The following ABI3BP variants were observed in gnomAD, a reference collection of about 807,000 sequenced individuals.
ABI3BP encodes ABI family member 3 binding protein.
A neutral mutation model predicts 268.6 loss-of-function variants in ABI3BP; 216 were observed. That is an observed-to-expected ratio of 0.80 (90% CI 0.72 to 0.90). The LOEUF (loss-of-function observed/expected upper bound fraction) is 0.90. ABI3BP is among the 40% of genes least tolerant of loss of function. The pLI is 0.00. For missense variants in ABI3BP, 2,090 were observed against 2,182.4 expected, an observed-to-expected ratio of 0.96 and a Z score of 0.84; for synonymous variants, 730 against 730.0, an observed-to-expected ratio of 1.00 and a Z score of 0.00.
intron 1 of ABI3BP, among the ~76,000 whole-genome samples, chr3:100,936,272 T>G (rs193293155): frequency 6.6e-6 from 1 of 152,326 alleles, no homozygotes; most frequent in Non-Finnish European, 1.5e-5. Context: ...ATTTGATGGA[T>G]TACATTTATT....
intron 1 of ABI3BP, among the ~76,000 whole-genome samples, chr3:100,991,491 C>T (rs2153997430): frequency 6.6e-6 from 1 of 152,250 alleles, no homozygotes; most frequent in South Asian, 2.1e-4. Flanking sequence ...CCCTTAAAGA[C>T]TCCACAAGTT....
At chr3:100,954,997 T>A (rs1348774344) in intron 1 of ABI3BP, among the ~76,000 whole-genome samples, 1 of 29,930 alleles carries the variant, frequency 3.3e-5, no homozygotes, top group Non-Finnish European at 7.4e-5. Flanking sequence ...TTTTTTTTTT[T>A]TTTACGAATC....
intron 14 of ABI3BP, among the ~76,000 whole-genome samples, chr3:100,861,727 C>T (rs1312655690): frequency 6.7e-6 from 1 of 150,276 alleles, no homozygotes; most frequent in Non-Finnish European, 1.5e-5. Context: ...CTACAGTTTG[C>T]AAAAGAGGAA....
At chr3:100,806,804 C>T (rs1330517920) in intron 50 of ABI3BP, among the ~76,000 whole-genome samples, 1 of 151,948 alleles carries the variant, frequency 6.6e-6, no homozygotes, top group African/African-American at 2.4e-5. Flanking sequence ...TTCTGAAGAG[C>T]CTGTCTTGTC....
chr3:100,792,255 C>A (rs1324407921), intron 55 of ABI3BP, among the ~76,000 whole-genome samples: 4 of 151,394 alleles, frequency 2.6e-5, no homozygotes, highest in African/African-American at 9.7e-5. Flanking sequence ...TAGCTTTTTT[C>A]TTATTAATGT....
At chr3:100,756,634 C>T (rs2095633256) in intron 63 of ABI3BP, among the ~76,000 whole-genome samples, 1 of 152,166 alleles carries the variant, frequency 6.6e-6, no homozygotes, top group Non-Finnish European at 1.5e-5. Flanking sequence ...CAGTGCATTC[C>T]ACATTCGTTC....
intron 2 of ABI3BP, chr3:100,911,574 C>A: frequency 3.1e-6 from 2 of 651,374 alleles, no homozygotes; most frequent in Non-Finnish European, 2.8e-6. Context: ...CTTTACTGAT[C>A]CATCTTCTTC....
rs146419831 is a variant in ABI3BP, at chr3:100,870,067, T to C, written c.911-3111A>G. 7.2e-3 allele frequency among the ~76,000 whole-genome samples: 1,103 copies of C among 152,294 alleles called. 17 individuals are homozygous for C. Among genetic ancestry groups the C allele is most frequent in the African/African-American group, 0.025 (1,043 of 41,542 alleles). ...TCTGCTGGAATGAGGATGTTGTTTT[T>C]AGGATTTACTACCTCAAAAAATGTA... On this transcript the variant is annotated intron_variant, in intron 9 of 67. Transcript: ENST00000471714.
Position 100,811,237 on chromosome 3 carries a change from G to T in ABI3BP, c.3534C>A (p.Thr1178=). The T allele has an allele frequency of 6.5e-7, 1 of 1,531,622 alleles. No individual in the cohort carries two copies. The highest frequency in any genetic ancestry group is 8.7e-7 in the Non-Finnish European group (1 of 1,144,486). 94.9% of individuals were successfully genotyped at this position (1,531,622 alleles called of 1,614,324 possible). A position where few individuals can be genotyped will look rare whatever the true frequency, so the allele number is the denominator to read the frequency against. The change falls in exon 48 of 68, where the codon ACC becomes ACA. Residue 1178 remains threonine, a synonymous_variant. Coordinates refer to ENST00000471714, the MANE Select transcript of ABI3BP (RefSeq NM_001375547.2). ...SITYVSEPPE[T]TLETSPLPSQ... Reference sequence around the variant, plus strand: ...GGCTACCGAGGTTATTACCTAGTGTGGTCTCAGGTGGTTCAGATACATATG... The same window carrying T: ...GGCTACCGAGGTTATTACCTAGTGTTGTCTCAGGTGGTTCAGATACATATG...
chr3:100,814,265 A>G (rs1202238106), intron 44 of ABI3BP, among the ~76,000 whole-genome samples: 1 of 152,146 alleles, frequency 6.6e-6, no homozygotes, highest in Non-Finnish European at 1.5e-5. Context: ...GGACTATTGT[A>G]TCTGAATCTC....
intron 63 of ABI3BP, among the ~76,000 whole-genome samples, chr3:100,762,592 T>C (rs1039592628): frequency 2.0e-5 from 3 of 152,240 alleles, no homozygotes; most frequent in Admixed American, 6.5e-5. Flanking sequence ...CAGATACTTT[T>C]AGGCTTCAGA....
chr3:100,791,988 T>C (rs1172903031), intron 55 of ABI3BP, among the ~76,000 whole-genome samples: 1 of 151,874 alleles, frequency 6.6e-6, no homozygotes, highest in African/African-American at 2.4e-5. Context: ...TTTTTGGCTT[T>C]CTACCATCTG....
In ABI3BP at chr3:100,808,177, G is replaced by T; in HGVS notation, c.3666C>A (p.Ile1222=). 6.2e-7 allele frequency: 1 copy of T among 1,611,334 alleles called. No homozygotes were observed. Among genetic ancestry groups the T allele is most frequent in the East Asian group, 2.2e-5 (1 of 44,772 alleles). Residue 1222 remains isoleucine, a synonymous_variant, in exon 50 of 68, where the codon ATC becomes ATA. Coordinates refer to ENST00000471714, the MANE Select transcript of ABI3BP (RefSeq NM_001375547.2). ...PKPKTSPRPR[I]PQTQPVPKVP... ...TATATTTACCTGGTTGTGTTTGTGGGATTCTTGGGCGTGGTGATGTTTTTG... is the reference window on the plus strand; with the variant it reads ...TATATTTACCTGGTTGTGTTTGTGGTATTCTTGGGCGTGGTGATGTTTTTG...
At chr3:100,966,556 GTA>G (rs2153835627) in intron 1 of ABI3BP, among the ~76,000 whole-genome samples, 1 of 152,336 alleles carries the variant, frequency 6.6e-6, no homozygotes, top group Admixed American at 6.5e-5. Context: ...GCAACAAAAT[GTA>G]AGCAGATTCT....
chr3:100,838,355 A>G (rs945925299), intron 25 of ABI3BP, 47 bp downstream of exon 25: 5 of 1,528,514 alleles, frequency 3.3e-6, no homozygotes, highest in African/African-American at 2.7e-5. Context: ...TGTTACTTAC[A>G]CATTGTTTTC....
chr3:100,895,459 A>C (rs1477522095), intron 4 of ABI3BP, among the ~76,000 whole-genome samples: 3 of 152,242 alleles, frequency 2.0e-5, no homozygotes, highest in Non-Finnish European at 2.9e-5. Flanking sequence ...AAGAGCTTTG[A>C]TATACAAAGT....
intron 2 of ABI3BP, among the ~76,000 whole-genome samples, chr3:100,920,792 A>G (rs2576372): frequency 0.86 from 131,328 of 152,196 alleles, 56,762 homozygotes; most frequent in East Asian, 1. Context: ...CTATTTTATA[A>G]ATGAGAAAAA....
intron 63 of ABI3BP, among the ~76,000 whole-genome samples, chr3:100,761,131 G>C (rs2095918268): frequency 6.6e-6 from 1 of 152,080 alleles, no homozygotes; most frequent in Admixed American, 6.5e-5. Flanking sequence ...ACAGTACTTG[G>C]TTTTCTGTTA....
At chr3:100,859,076 C>T in intron 14 of ABI3BP, among the ~76,000 whole-genome samples, 1 of 152,266 alleles carries the variant, frequency 6.6e-6, no homozygotes, top group Middle Eastern at 3.4e-3. Flanking sequence ...CAAACTCTTA[C>T]AATAAGTCTT....
Sources: allele counts gnomAD v4.1 joint callset (sites outside exome capture counted in the v4.1 genomes callset), GRCh38; gene constraint gnomAD v4.1.1; transcripts MANE v1.5; gene names NCBI Gene and HGNC (gene_info 2026-07-23, HGNC 2026-07-21).